Variants in PRKD1 observed in about 807,000 individuals in gnomAD.
PRKD1 encodes the protein protein kinase D1.
PRKD1 carries 63 observed loss-of-function variants against 95.9 expected under a neutral mutation model. That is an observed-to-expected ratio of 0.66 (90% CI 0.54 to 0.81). The LOEUF is 0.81. PRKD1 is among the 30% of genes least tolerant of loss of function. The pLI is 0.00. For synonymous variants in PRKD1, 425 were observed against 423.1 expected, an observed-to-expected ratio of 1.00 and a Z score of -0.05; for missense variants, 1,048 against 1,165.3, an observed-to-expected ratio of 0.90 and a Z score of 1.47.
At chr14:29,679,402 C>T (rs539755619) in intron 2 of PRKD1, among the ~76,000 whole-genome samples, 1 of 152,126 alleles carries the variant, frequency 6.6e-6, no homozygotes, top group Non-Finnish European at 1.5e-5. Flanking sequence ...TTTTTTGGCT[C>T]CTTCCACATT....
chr14:29,654,679 GC>G (rs1881734457), intron 4 of PRKD1, among the ~76,000 whole-genome samples: 1 of 152,118 alleles, frequency 6.6e-6, no homozygotes, highest in African/African-American at 2.4e-5. Context: ...GTTTACCTAT[GC>G]AAGCTCCATG....
At chr14:29,856,568 A>T (rs1023946906) in intron 1 of PRKD1, among the ~76,000 whole-genome samples, 1 of 152,234 alleles carries the variant, frequency 6.6e-6, no homozygotes. Context: ...TGCAGCAATA[A>T]GCTCTGTTAA....
intron 2 of PRKD1, among the ~76,000 whole-genome samples, chr14:29,672,600 A>G (rs1168156455): frequency 6.6e-6 from 1 of 152,040 alleles, no homozygotes; most frequent in Admixed American, 6.5e-5. Flanking sequence ...AAATCAAATG[A>G]AAAAGACTCA....
rs147308040 is a variant in PRKD1 at position 29,676,177 on chromosome 14, G to GTTTTTTTTTTTTTTTT, written c.404-9970_404-9969insAAAAAAAAAAAAAAAA. On this transcript the variant is annotated intron_variant, in intron 2 of 17. Coordinates refer to ENST00000331968, the MANE Select transcript of PRKD1 (RefSeq NM_002742.3). ...GCTGTAGGCATGCATAGTTCATTACGTTTTTGTTTTTTTTTTTTTTTTTTT... is the reference window on the plus strand; with the variant it reads ...GCTGTAGGCATGCATAGTTCATTACGTTTTTTTTTTTTTTTTTTTTTGTTTTTTTTTTTTTTTTTTT... Among the ~76,000 whole-genome samples the GTTTTTTTTTTTTTTTT allele has an allele frequency of 3.6e-3, 379 of 104,534 alleles. 18 individuals are homozygous for GTTTTTTTTTTTTTTTT. The highest frequency in any genetic ancestry group is 5.7e-3 in the Middle Eastern group (1 of 176). The allele number at this position is 104,534 out of a possible 152,430, so 68.6% of individuals were successfully genotyped here.
intron 1 of PRKD1, among the ~76,000 whole-genome samples, chr14:29,761,515 G>T (rs1424239625): frequency 1.3e-5 from 2 of 152,106 alleles, no homozygotes; most frequent in Non-Finnish European, 2.9e-5. Context: ...TGAGATAGAT[G>T]AGACTTCCAC....
At chr14:29,907,198 G>A (rs960209908) in intron 1 of PRKD1, among the ~76,000 whole-genome samples, 1 of 152,026 alleles carries the variant, frequency 6.6e-6, no homozygotes, top group Non-Finnish European at 1.5e-5. Flanking sequence ...CCCCAGAAGC[G>A]ACCCAAATCT....
At chr14:29,607,940 A>AT (rs1272952204) in intron 13 of PRKD1, among the ~76,000 whole-genome samples, 1 of 152,204 alleles carries the variant, frequency 6.6e-6, no homozygotes, top group African/African-American at 2.4e-5. Context: ...TGCCTAACAC[A>AT]TTCCTCAATA....
chr14:29,587,646 A>G (rs1028753219), intron 16 of PRKD1, among the ~76,000 whole-genome samples: 8 of 152,196 alleles, frequency 5.3e-5, no homozygotes, highest in Non-Finnish European at 1.0e-4. Context: ...TTGCTATCAA[A>G]ATAAATGATT....
At chr14:29,616,316 A>G (rs1878854984) in intron 13 of PRKD1, among the ~76,000 whole-genome samples, 1 of 151,476 alleles carries the variant, frequency 6.6e-6, no homozygotes, top group Non-Finnish European at 1.5e-5. Context: ...AACCAATGAC[A>G]AGAGGGAAAT....
chr14:29,700,976 G>GCACACACACA (rs1884804757), intron 2 of PRKD1, among the ~76,000 whole-genome samples: 3 of 47,464 alleles, frequency 6.3e-5, no homozygotes, highest in African/African-American at 2.0e-4. Flanking sequence ...GCGTGCGCAT[G>GCACACACACA]CGCGCGCGCG....
chr14:29,808,545 A>G (rs925831203), intron 1 of PRKD1, among the ~76,000 whole-genome samples: 30 of 150,730 alleles, frequency 2.0e-4, no homozygotes, highest in African/African-American at 6.6e-4. Context: ...GATTACAGGC[A>G]CCTGCCACCA....
intron 1 of PRKD1, among the ~76,000 whole-genome samples, chr14:29,785,253 A>G (rs1257688519): frequency 6.6e-6 from 1 of 152,128 alleles, no homozygotes; most frequent in African/African-American, 2.4e-5. Flanking sequence ...TCTACTACTT[A>G]GCCTTTCTGG....
rs547515862 is a variant in PRKD1 at position 29,703,605 on chromosome 14, G to T, written c.403+21931C>A. On this transcript the variant is annotated intron_variant, in intron 2 of 17. Transcript: ENST00000331968. Reference sequence around the variant, plus strand: ...AATAAGAATTTAGAAGGATATACTGGAGAGTAGAAAAGGAAGATGTAGGTA... The same window carrying T: ...AATAAGAATTTAGAAGGATATACTGTAGAGTAGAAAAGGAAGATGTAGGTA... Among the ~76,000 whole-genome samples the T allele has an allele frequency of 6.5e-4, 99 of 152,292 alleles. No homozygotes were observed. In the Middle Eastern group the frequency reaches 0.01, roughly 16 times the overall value.
chr14:29,721,359 C>G (rs1056530971), intron 2 of PRKD1, among the ~76,000 whole-genome samples: 1 of 152,222 alleles, frequency 6.6e-6, no homozygotes, highest in African/African-American at 2.4e-5. Flanking sequence ...CAACATTTAT[C>G]TTTCAAACTT....
chr14:29,823,361 T>C (rs1890991835), intron 1 of PRKD1, among the ~76,000 whole-genome samples: 2 of 152,214 alleles, frequency 1.3e-5, no homozygotes, highest in African/African-American at 2.4e-5. Flanking sequence ...TCACAAGCTG[T>C]TATTTTTAAT....
At chr14:29,836,388 T>C (rs1891612824) in intron 1 of PRKD1, among the ~76,000 whole-genome samples, 1 of 152,034 alleles carries the variant, frequency 6.6e-6, no homozygotes, top group African/African-American at 2.4e-5. Flanking sequence ...TATTACAAGG[T>C]TAAGGGCTGA....
In PRKD1 at chr14:29,815,956, A is replaced by G. The variant is rs557082597; in HGVS notation, c.265-90282T>C. Among the ~76,000 whole-genome samples, 18 of 152,288 alleles carry G rather than the reference A, an allele frequency of 1.2e-4. No individual in the cohort carries two copies. In the East Asian group the frequency reaches 2.7e-3, roughly 23 times the overall value. Reference sequence around the variant, plus strand: ...CATATCAGGCCGGGCGCGGTGGCTCACACCTGTAATCCCATCACTTTGGGA... The same window carrying G: ...CATATCAGGCCGGGCGCGGTGGCTCGCACCTGTAATCCCATCACTTTGGGA... On this transcript the variant is annotated intron_variant, in intron 1 of 17. Transcript: ENST00000331968.
chr14:29,752,718 T>C (rs1343350497), intron 1 of PRKD1, among the ~76,000 whole-genome samples: 1 of 152,076 alleles, frequency 6.6e-6, no homozygotes, highest in East Asian at 1.9e-4. Flanking sequence ...CAAAAAGTGA[T>C]GCAATTAACA....
rs34261706 is a variant in PRKD1, at chr14:29,896,720, T to TAAA, written c.264+30526_264+30528dup. Among the ~76,000 whole-genome samples the TAAA allele has an allele frequency of 9.5e-3, 1,280 of 134,066 alleles. 7 individuals carry two copies. The highest frequency in any genetic ancestry group is 0.033 in the African/African-American group (1,233 of 37,680). The allele number at this position is 134,066 out of a possible 152,430, so 88.0% of individuals were successfully genotyped here. A position where few individuals can be genotyped will look rare whatever the true frequency, so the allele number is the denominator to read the frequency against. ...CAATTTATTATGAGAATTAAACAGTTAAAAAAAAAAAAAAAAAACAGGGAG... is the reference window on the plus strand; with the variant it reads ...CAATTTATTATGAGAATTAAACAGTTAAAAAAAAAAAAAAAAAAAAACAGGGAG... On this transcript the variant is annotated intron_variant, in intron 1 of 17. Coordinates refer to ENST00000331968, the MANE Select transcript of PRKD1 (RefSeq NM_002742.3).
Sources: gnomAD v4.1 joint callset for allele counts (sites outside exome capture counted in the v4.1 genomes callset) on GRCh38, gnomAD v4.1.1 for gene constraint, MANE v1.5 for transcripts, NCBI Gene and HGNC (gene_info 2026-07-23, HGNC 2026-07-21) for gene names.